The following SUGCT variants were observed in gnomAD, a reference collection of about 807,000 sequenced individuals.
The protein encoded by SUGCT is succinyl-CoA:glutarate CoA-transferase.
Under a neutral mutation model 55.0 loss-of-function variants are expected in SUGCT, and 41 were observed. That is an observed-to-expected ratio of 0.74 (90% CI 0.58 to 0.97). The LOEUF is 0.97. Among genes scored for constraint, SUGCT ranks in the 50% least tolerant of loss-of-function variants. The pLI is 0.00. For missense variants in SUGCT, 568 were observed against 547.8 expected (o/e 1.04, Z -0.37); for synonymous variants, 187 against 200.4 (o/e 0.93, Z 0.56).
At chr7:40,177,035 C>A (rs779832075) in intron 1 of SUGCT, among the ~76,000 whole-genome samples, 4 of 151,232 alleles carry the variant, frequency 2.6e-5, no homozygotes, top group African/African-American at 4.9e-5. Flanking sequence ...TTCCATCCTT[C>A]CAAATTATAC....
chr7:40,497,433 T>A (rs1792045156), intron 12 of SUGCT, among the ~76,000 whole-genome samples: 1 of 152,198 alleles, frequency 6.6e-6, no homozygotes, highest in Non-Finnish European at 1.5e-5. Context: ...TTGTGCTATT[T>A]TTTCGGCCAA....
At chr7:40,938,763 A>G in the SUGCT span, among the ~76,000 whole-genome samples, 10 of 152,172 alleles carry the variant, frequency 6.6e-5, no homozygotes, top group Non-Finnish European at 1.5e-4. Context: ...CTCTGAATGT[A>G]TATAGTATTT....
At chr7:41,036,880 T>G in the SUGCT span, among the ~76,000 whole-genome samples, 5 of 152,184 alleles carry the variant, frequency 3.3e-5, no homozygotes, top group African/African-American at 1.2e-4. Context: ...AGAACAGAAC[T>G]CCTTACCTTC....
At chr7:40,606,499 G>A (rs2151762786) in intron 12 of SUGCT, among the ~76,000 whole-genome samples, 1 of 152,230 alleles carries the variant, frequency 6.6e-6, no homozygotes, top group Non-Finnish European at 1.5e-5. Context: ...GGAATACAGG[G>A]GAATAGAGGC....
chr7:40,200,545 G>A (rs1281459308), intron 6 of SUGCT, among the ~76,000 whole-genome samples: 3 of 152,052 alleles, frequency 2.0e-5, no homozygotes, highest in South Asian at 2.1e-4. Flanking sequence ...CAAAGGCTCC[G>A]TGGTAGGAAA....
At chr7:40,984,873 G>A in the SUGCT span, among the ~76,000 whole-genome samples, 2 of 152,138 alleles carry the variant, frequency 1.3e-5, no homozygotes, top group Non-Finnish European at 2.9e-5. Context: ...GTTAGGAAAC[G>A]AAATGCAGGC....
intron 9 of SUGCT, among the ~76,000 whole-genome samples, chr7:40,385,496 G>A (rs1045820008): frequency 3.9e-5 from 6 of 152,104 alleles, no homozygotes; most frequent in African/African-American, 9.7e-5. Context: ...ATAATTGCTC[G>A]TAAGAGAATG....
chr7:40,733,084 CAAAAA>C (rs973538786), intron 12 of SUGCT, among the ~76,000 whole-genome samples: 3 of 152,062 alleles, frequency 2.0e-5, no homozygotes, highest in African/African-American at 7.2e-5. Flanking sequence ...AACAAACAAA[CAAAAA>C]AGAAATTGTG....
At chr7:40,285,332 T>G (rs1793257280) in intron 8 of SUGCT, among the ~76,000 whole-genome samples, 2 of 152,198 alleles carry the variant, frequency 1.3e-5, no homozygotes. Flanking sequence ...AAAGCTGTGT[T>G]TAATGATATC....
intron 6 of SUGCT, among the ~76,000 whole-genome samples, chr7:40,206,579 C>T (rs1457930109): frequency 6.6e-6 from 1 of 152,128 alleles, no homozygotes; most frequent in African/African-American, 2.4e-5. Flanking sequence ...GGCAAACGTA[C>T]AGTTAAGTTT....
intron 13 of SUGCT, among the ~76,000 whole-genome samples, chr7:40,769,942 G>A (rs1168931075): frequency 6.6e-6 from 1 of 152,120 alleles, no homozygotes; most frequent in Non-Finnish European, 1.5e-5. Flanking sequence ...CTTGGATTGA[G>A]CCTGTATATT....
intron 13 of SUGCT, among the ~76,000 whole-genome samples, chr7:40,825,370 G>A (rs1792261690): frequency 6.6e-6 from 1 of 151,994 alleles, no homozygotes; most frequent in African/African-American, 2.4e-5. Context: ...TGCCCTTGTT[G>A]GAACACTAGC....
intron 12 of SUGCT, among the ~76,000 whole-genome samples, chr7:40,586,808 TA>T (rs1456376124): frequency 6.6e-6 from 1 of 152,226 alleles, no homozygotes; most frequent in African/African-American, 2.4e-5. Context: ...CTCAAAAACC[TA>T]AGCTTTTAAC....
At chr7:40,353,355 G>A (rs1276648277) in intron 9 of SUGCT, among the ~76,000 whole-genome samples, 1 of 152,088 alleles carries the variant, frequency 6.6e-6, no homozygotes, top group Non-Finnish European at 1.5e-5. Flanking sequence ...AGAATCTTAG[G>A]TCCCATCTTG....
chr7:40,493,989 G>A (rs1468052317), intron 11 of SUGCT, among the ~76,000 whole-genome samples: 2 of 152,266 alleles, frequency 1.3e-5, no homozygotes, highest in Admixed American at 1.3e-4. Flanking sequence ...GCAAACAGTG[G>A]TCACAACTGC....
At chr7:40,523,865 C>T (rs1793676972) in intron 12 of SUGCT, among the ~76,000 whole-genome samples, 2 of 152,152 alleles carry the variant, frequency 1.3e-5, no homozygotes, top group African/African-American at 4.8e-5. Context: ...CTACATAGTA[C>T]AGTAGTAGGC....
the SUGCT span, among the ~76,000 whole-genome samples, chr7:40,904,638 C>A: frequency 5.1e-4 from 78 of 152,168 alleles, no homozygotes; most frequent in East Asian, 0.015. Flanking sequence ...GATGTTTGCA[C>A]AGCAATGTGA....
chr7:40,871,279 C>T, the SUGCT span, among the ~76,000 whole-genome samples: 2 of 152,194 alleles, frequency 1.3e-5, no homozygotes, highest in African/African-American at 4.8e-5. Flanking sequence ...GGTATGGCAT[C>T]TTCCTTTTAT....
chr7:40,920,062 C>A, the SUGCT span, among the ~76,000 whole-genome samples: 6 of 152,102 alleles, frequency 3.9e-5, no homozygotes, highest in Admixed American at 1.3e-4. Flanking sequence ...TCGGAGGTAT[C>A]TTTCTTGACT....
Sources: allele counts gnomAD v4.1 joint callset (sites outside exome capture counted in the v4.1 genomes callset), GRCh38; gene constraint gnomAD v4.1.1; transcripts MANE v1.5; gene names NCBI Gene and HGNC (gene_info 2026-07-23, HGNC 2026-07-21).